TSHZ1: variants seen among roughly 807,000 people sequenced by gnomAD.
The protein encoded by TSHZ1 is teashirt homolog 1.
Under a neutral mutation model 67.1 loss-of-function variants are expected in TSHZ1, and 12 were observed. The ratio of observed to expected loss-of-function variants is 0.18; its 90% confidence interval spans 0.11 to 0.29. The LOEUF is 0.29. Ranked by LOEUF, TSHZ1 falls within the 10% of genes least tolerant of loss-of-function variation. The pLI, the probability that TSHZ1 is intolerant of heterozygous loss-of-function variation, is 1.00. For missense variants in TSHZ1, 1,305 were observed against 1,413.9 expected (o/e 0.92, Z 1.23); for synonymous variants, 632 against 622.4 (o/e 1.02, Z -0.23).
intron 1 of TSHZ1, chr18:75,244,583 C>T (rs147777782): frequency 6.6e-6 from 1 of 152,266 alleles, no homozygotes; most frequent in African/African-American, 2.4e-5. Flanking sequence ...GTAGACCAGG[C>T]CGGCTTTCTC....
intron 1 of TSHZ1, chr18:75,284,118 T>C (rs1380085189): frequency 6.6e-6 from 1 of 152,630 alleles, no homozygotes; most frequent in Non-Finnish European, 1.5e-5. Flanking sequence ...AAAAGTGCCT[T>C]GGTCAAAGAA....
chr18:75,230,582 A>G (rs2022984685), intron 1 of TSHZ1, among the ~76,000 whole-genome samples: 1 of 152,192 alleles, frequency 6.6e-6, no homozygotes, highest in African/African-American at 2.4e-5. Flanking sequence ...AGGGTCATCC[A>G]TCAATTTTTA....
In TSHZ1 at chr18:75,224,212, TAA is replaced by T. The variant is rs2022889365; in HGVS notation, c.40+12299_40+12300del. Among the ~76,000 whole-genome samples, 3 of 152,244 alleles carry T rather than the reference TAA, an allele frequency of 2.0e-5. No homozygotes were observed. The South Asian group carries it at 6.2e-4, about 32-fold the overall frequency. The stretch of plus-strand genomic sequence containing the variant: ...ACACACTACGGTGCTTGTGCATTAT[TAA>T]AAGAGACATAAATTTATGTTTTATG... On this transcript the variant is annotated intron_variant, in intron 1 of 1. Coordinates refer to ENST00000580243, the MANE Select transcript of TSHZ1 (RefSeq NM_001308210.2).
intron 1 of TSHZ1, among the ~76,000 whole-genome samples, chr18:75,213,299 AG>A (rs1196829205): frequency 3.3e-5 from 5 of 152,268 alleles, no homozygotes; most frequent in African/African-American, 1.2e-4. Context: ...TAAAAGGAAC[AG>A]AATGGAGAAT....
intron 1 of TSHZ1, among the ~76,000 whole-genome samples, chr18:75,222,618 G>T (rs759978629): frequency 1.3e-5 from 2 of 152,012 alleles, no homozygotes; most frequent in Non-Finnish European, 2.9e-5. Flanking sequence ...ATGGGAGGGG[G>T]TTTTCGTCCT....
Position 75,287,690 on chromosome 18 carries a change from C to G in TSHZ1, c.2283C>G (p.Ser761=). ...TGAACACCCACCTGGGCAAGGTGTC[C>G]AAGCCCGTGAGTCCCTCGCTGGACC... is the stretch of plus-strand genomic sequence containing the variant. ...SIMNTHLGKV[S]KPVSPSLDPL... The change falls in exon 2 of 2, where the codon TCC becomes TCG. Residue 761 remains serine (S), a synonymous_variant. Coordinates refer to ENST00000580243, the MANE Select transcript of TSHZ1 (RefSeq NM_001308210.2). The surrounding 1 kb of genome is among the most constrained non-coding windows in gnomAD (Gnocchi z 5.0). 2 of 1,614,180 alleles carry G rather than the reference C, an allele frequency of 1.2e-6. No homozygotes were observed. Among genetic ancestry groups the G allele is most frequent in the Non-Finnish European group, 1.7e-6 (2 of 1,180,034 alleles).
chr18:75,228,373 G>A lies in TSHZ1; in HGVS notation c.40+16457G>A, dbSNP rs191352557. ...GGCTTTCCAGATGGATCTCCTCCTC[G>A]CCATCCTTATAGGACCCTGATAGGG... On this transcript the variant is annotated intron_variant, in intron 1 of 1. Coordinates refer to ENST00000580243, the MANE Select transcript of TSHZ1 (RefSeq NM_001308210.2). Among the ~76,000 whole-genome samples, 559 of 152,236 alleles carry A rather than the reference G, an allele frequency of 3.7e-3. 1 individual carries two copies. The highest frequency in any genetic ancestry group is 6.0e-3 in the Non-Finnish European group (405 of 68,028).
chr18:75,226,061 G>A (rs1199981541), intron 1 of TSHZ1, among the ~76,000 whole-genome samples: 1 of 152,168 alleles, frequency 6.6e-6, no homozygotes, highest in African/African-American at 2.4e-5. Context: ...AACTCAGTAG[G>A]TGTGGGGGCA....
At chr18:75,226,420 A>C (rs1325585644) in intron 1 of TSHZ1, among the ~76,000 whole-genome samples, 3 of 152,220 alleles carry the variant, frequency 2.0e-5, no homozygotes, top group Admixed American at 6.5e-5. Context: ...AAAGCAGCTC[A>C]GGCCCCAGAT....
chr18:75,251,709 A>C (rs1264757196), intron 1 of TSHZ1, among the ~76,000 whole-genome samples: 1 of 151,982 alleles, frequency 6.6e-6, no homozygotes, highest in Non-Finnish European at 1.5e-5. Flanking sequence ...ATTACACGTG[A>C]GGGGGGAGCA....
chr18:75,275,575 G>A (rs766835103), intron 1 of TSHZ1, among the ~76,000 whole-genome samples: 6 of 152,166 alleles, frequency 3.9e-5, no homozygotes, highest in African/African-American at 7.2e-5. Flanking sequence ...TCATTGGGGC[G>A]AGCCCTACCC....
chr18:75,261,971 G>A (rs2122582669), intron 1 of TSHZ1, among the ~76,000 whole-genome samples: 1 of 152,296 alleles, frequency 6.6e-6, no homozygotes, highest in Non-Finnish European at 1.5e-5. Context: ...GGAGTGACCT[G>A]TATTCTCTCC....
chr18:75,237,320 G>T (rs773004035), intron 1 of TSHZ1, among the ~76,000 whole-genome samples: 1 of 152,184 alleles, frequency 6.6e-6, no homozygotes, highest in African/African-American at 2.4e-5. Context: ...TCAGGAGTTC[G>T]CAACCAGCCT....
chr18:75,259,943 A>T (rs1192548317), intron 1 of TSHZ1, among the ~76,000 whole-genome samples: 2 of 152,238 alleles, frequency 1.3e-5, no homozygotes, highest in Admixed American at 1.3e-4. Flanking sequence ...CCCTCTGGAT[A>T]GATAACGGCA....
At chr18:75,215,783 A>T (rs2022758599) in intron 1 of TSHZ1, among the ~76,000 whole-genome samples, 1 of 152,228 alleles carries the variant, frequency 6.6e-6, no homozygotes, top group African/African-American at 2.4e-5. Context: ...TAGTGGTGCC[A>T]CTGTAATGGC....
intron 1 of TSHZ1, among the ~76,000 whole-genome samples, chr18:75,222,616 G>C (rs912046217): frequency 3.3e-5 from 5 of 152,160 alleles, no homozygotes; most frequent in Admixed American, 3.3e-4. Flanking sequence ...TCATGGGAGG[G>C]GGTTTTCGTC....
chr18:75,262,739 T>C (rs1010828822), intron 1 of TSHZ1, among the ~76,000 whole-genome samples: 1 of 152,198 alleles, frequency 6.6e-6, no homozygotes, highest in African/African-American at 2.4e-5. Context: ...GTAGTTCCTC[T>C]TCTCAGCGTC....
chr18:75,228,817 C>T (rs1327549094), intron 1 of TSHZ1, among the ~76,000 whole-genome samples: 1 of 152,156 alleles, frequency 6.6e-6, no homozygotes, highest in Non-Finnish European at 1.5e-5. Flanking sequence ...GTGCATTTGT[C>T]CTTTCTTCCA....
chr18:75,249,400 C>T (rs925320233), intron 1 of TSHZ1, among the ~76,000 whole-genome samples: 13 of 126,488 alleles, frequency 1.0e-4, no homozygotes, highest in African/African-American at 3.6e-4. Flanking sequence ...CAGTAGGTGG[C>T]GCAGGGTGCA....
Sources: allele counts gnomAD v4.1 joint callset (sites outside exome capture counted in the v4.1 genomes callset), GRCh38; gene constraint gnomAD v4.1.1; non-coding constraint Gnocchi (gnomAD v3.1); transcripts MANE v1.5; gene names NCBI Gene and HGNC (gene_info 2026-07-23, HGNC 2026-07-21).